The following NIBAN1 variants were observed in gnomAD, a reference collection of about 807,000 sequenced individuals.
NIBAN1 encodes niban apoptosis regulator 1.
A neutral mutation model predicts 75.1 loss-of-function variants in NIBAN1; 81 were observed. The observed-to-expected ratio is 1.08, with a 90% CI of 0.90 to 1.30. The LOEUF is 1.30. NIBAN1 is among the 50% of genes most tolerant of loss of function. NIBAN1 has a pLI of 0.00. For synonymous variants in NIBAN1, 436 were observed against 424.8 expected, an observed-to-expected ratio of 1.03 and a Z score of -0.32; for missense variants, 1,133 against 1,128.1, an observed-to-expected ratio of 1.00 and a Z score of -0.06.
chr1:184,899,764 T>C (rs1053440436), intron 1 of NIBAN1, among the ~76,000 whole-genome samples: 2 of 151,246 alleles, frequency 1.3e-5, no homozygotes, highest in Non-Finnish European at 2.9e-5. Flanking sequence ...CTCCAAATGA[T>C]AATCCCAGGT....
chr1:184,923,780 TTTCAC>T (rs1394338851), intron 1 of NIBAN1, among the ~76,000 whole-genome samples: 1 of 151,902 alleles, frequency 6.6e-6, no homozygotes. Flanking sequence ...TGTAGAGATC[TTTCAC>T]TTCTTTTGGT....
chr1:184,879,359 C>T (rs1438121676), intron 5 of NIBAN1, among the ~76,000 whole-genome samples: 1 of 152,162 alleles, frequency 6.6e-6, no homozygotes, highest in East Asian at 1.9e-4. Context: ...AATTTTCCAA[C>T]TCATAGATAT....
chr1:184,804,815 T>C (rs1363439390), intron 11 of NIBAN1, among the ~76,000 whole-genome samples: 3 of 150,934 alleles, frequency 2.0e-5, no homozygotes, highest in Non-Finnish European at 4.4e-5. Context: ...TGAGATAGAG[T>C]CTCACTCTGC....
intron 1 of NIBAN1, among the ~76,000 whole-genome samples, chr1:184,972,426 A>G (rs1438505356): frequency 6.6e-6 from 1 of 152,222 alleles, no homozygotes; most frequent in East Asian, 1.9e-4. Context: ...TGCACTAACA[A>G]TGTACAACAC....
In NIBAN1 at chr1:184,861,298, C is replaced by T. The variant is rs77317310; in HGVS notation, c.601+23335G>A. Among the ~76,000 whole-genome samples, 803 of 152,302 alleles carry T rather than the reference C, an allele frequency of 5.3e-3. 15 individuals carry two copies. The East Asian group carries it at 0.071, about 14-fold the overall frequency. On this transcript the variant is annotated intron_variant, in intron 5 of 13. Transcript: ENST00000367511. ...TTGAACCAATCTAAATCAAGTCCCT[C>T]TTATAATTTCTTGGTGCATCCTTTA...
intron 9 of NIBAN1, among the ~76,000 whole-genome samples, 190 bp from the exon 10 acceptor site, chr1:184,808,425 T>C (rs1364132752): frequency 1.3e-5 from 2 of 152,168 alleles, no homozygotes; most frequent in African/African-American, 4.8e-5. Flanking sequence ...AGGGTAGCTG[T>C]AATGCTAGGA....
chr1:184,899,079 T>A, intron 2 of NIBAN1, 100 bp downstream of exon 2: 2 of 1,405,262 alleles, frequency 1.4e-6, no homozygotes, highest in South Asian at 2.6e-5. Context: ...GCAGAGTTTT[T>A]AAAACTGCCA....
At chr1:184,928,121 C>T (rs1011947727) in intron 1 of NIBAN1, among the ~76,000 whole-genome samples, 3 of 152,120 alleles carry the variant, frequency 2.0e-5, no homozygotes, top group African/African-American at 7.2e-5. Context: ...CCTTCTGGCA[C>T]AGGGTGTGTT....
At chr1:184,858,450 T>C (rs1374497317) in intron 5 of NIBAN1, among the ~76,000 whole-genome samples, 3 of 151,728 alleles carry the variant, frequency 2.0e-5, no homozygotes, top group African/African-American at 7.3e-5. Flanking sequence ...TGAGATAAGA[T>C]CTCAGACTCA....
At chr1:184,909,795 C>A (rs1657193581) in intron 1 of NIBAN1, among the ~76,000 whole-genome samples, 1 of 152,160 alleles carries the variant, frequency 6.6e-6, no homozygotes, top group African/African-American at 2.4e-5. Context: ...ATAATAAAAT[C>A]TGACCTAGAA....
chr1:184,825,568 A>C (rs1390831973), intron 6 of NIBAN1, among the ~76,000 whole-genome samples: 2 of 152,232 alleles, frequency 1.3e-5, no homozygotes, highest in African/African-American at 4.8e-5. Context: ...GGAGTGTCTA[A>C]ATTTTTCAAG....
chr1:184,935,954 A>G (rs929279650), intron 1 of NIBAN1, among the ~76,000 whole-genome samples: 1 of 151,240 alleles, frequency 6.6e-6, no homozygotes, highest in Non-Finnish European at 1.5e-5. Flanking sequence ...GACTAGTGAG[A>G]GAGTTGCAGG....
chr1:184,867,090 T>C (rs1036038063), intron 5 of NIBAN1, among the ~76,000 whole-genome samples: 1 of 151,990 alleles, frequency 6.6e-6, no homozygotes, highest in African/African-American at 2.4e-5. Flanking sequence ...TGCGGTGACA[T>C]CAGCAAGGCC....
At chr1:184,817,249 C>T (rs1045469487) in intron 9 of NIBAN1, among the ~76,000 whole-genome samples, 2 of 152,198 alleles carry the variant, frequency 1.3e-5, no homozygotes, top group Non-Finnish European at 2.9e-5. Flanking sequence ...GTACATGCCA[C>T]ATTTTCTTAA....
intron 1 of NIBAN1, among the ~76,000 whole-genome samples, chr1:184,942,512 T>G (rs559888774): frequency 6.6e-6 from 1 of 152,106 alleles, no homozygotes; most frequent in Non-Finnish European, 1.5e-5. Context: ...GCTAACATGG[T>G]GAAACCCCGT....
intron 1 of NIBAN1, among the ~76,000 whole-genome samples, chr1:184,965,645 G>C (rs972326836): frequency 7.2e-5 from 11 of 152,314 alleles, no homozygotes; most frequent in Non-Finnish European, 1.5e-4. Flanking sequence ...AGCCCTATCA[G>C]AGGGTGAACG....
intron 3 of NIBAN1, 78 bp from the exon 4 acceptor site, chr1:184,890,300 A>C: frequency 1.1e-6 from 1 of 914,886 alleles, no homozygotes; most frequent in Non-Finnish European, 1.8e-6. Context: ...TATAACAAAT[A>C]GACAGATTCA....
At position 184,899,285 on chromosome 1, in the gene NIBAN1, T is replaced by G. The variant is rs896406182; in HGVS notation, c.80A>C (p.Asn27Thr). ...CTGACGACTGTAGTAGGGACTGAAG[T>G]TTTTGATGGCAGCCTCAGTTTTCCC... ...IRGKTEAAIK[N>T]FSPYYSRQYS... is the part of the protein sequence containing the mutation. The change falls in exon 2 of 14, where the codon AAC becomes ACC. Residue 27 changes from asparagine to threonine, a missense_variant. Physicochemically the swap from Asn to Thr is moderately conservative, Grantham distance 65. Coordinates refer to ENST00000367511, the MANE Select transcript of NIBAN1 (RefSeq NM_052966.4). 6.8e-6 allele frequency: 11 copies of G among 1,613,556 alleles called. No homozygotes were observed. The highest frequency in any genetic ancestry group is 1.6e-4 in the Middle Eastern group (1 of 6,082).
chr1:184,888,472 T>C (rs560284460), intron 4 of NIBAN1, among the ~76,000 whole-genome samples: 1 of 152,354 alleles, frequency 6.6e-6, no homozygotes, highest in South Asian at 2.1e-4. Flanking sequence ...AGCCTCTAGT[T>C]ATCTCTCAAC....
Sources: gnomAD v4.1 joint callset for allele counts (sites outside exome capture counted in the v4.1 genomes callset) on GRCh38, gnomAD v4.1.1 for gene constraint, MANE v1.5 for transcripts, NCBI Gene and HGNC (gene_info 2026-07-23, HGNC 2026-07-21) for gene names.